Variants in CGREF1 observed in about 807,000 individuals in gnomAD.
CGREF1 encodes cell growth regulator with EF hand domain protein 1.
In CGREF1, 16 loss-of-function variants were observed where a neutral mutation model predicts 17.4. The ratio of observed to expected loss-of-function variants is 0.92; its 90% CI spans 0.62 to 1.40. The LOEUF (loss-of-function observed/expected upper bound fraction) is 1.40. Ranked by LOEUF, CGREF1 falls within the 40% of genes most tolerant of loss-of-function variation. CGREF1 has a pLI of 0.00. For synonymous variants in CGREF1, 142 were observed against 154.6 expected, an observed-to-expected ratio of 0.92 and a Z score of 0.61; for missense variants, 296 against 376.4, an observed-to-expected ratio of 0.79 and a Z score of 1.77.
At chr2:27,117,087 A>G (rs1671616109) in intron 1 of CGREF1, among the ~76,000 whole-genome samples, 1 of 150,982 alleles carries the variant, frequency 6.6e-6, no homozygotes, top group Non-Finnish European at 1.5e-5. Flanking sequence ...TAATTTTTGT[A>G]TTTTTAGTAG....
intron 1 of CGREF1, among the ~76,000 whole-genome samples, chr2:27,112,890 G>A (rs887668616): frequency 2.6e-5 from 4 of 152,220 alleles, no homozygotes; most frequent in Non-Finnish European, 4.4e-5. Flanking sequence ...CTAGTGTGTG[G>A]AGGCTTCCCG....
chr2:27,101,006 C>T lies in CGREF1; in HGVS notation c.*268G>A, dbSNP rs1670789796. ...ACACTGGGCAGGCGGCATCCCTGTC[C>T]TTTCGGTCCCCAACCCCGTTCCTCT... On this transcript the variant is annotated 3_prime_UTR_variant, in exon 6 of 6. Coordinates refer to ENST00000402394, the MANE Select transcript of CGREF1 (RefSeq NM_006569.6). 1.6e-6 allele frequency: 2 copies of T among 1,266,098 alleles called. No homozygotes were observed. The highest frequency in any genetic ancestry group is 3.3e-5 in the East Asian group (1 of 30,348). The allele number at this position is 1,266,098 out of a possible 1,614,324, so 78.4% of individuals were successfully genotyped here. A position where few individuals can be genotyped will look rare whatever the true frequency, so the allele number is the denominator to read the frequency against.
At chr2:27,116,943 C>T (rs548450997) in intron 1 of CGREF1, among the ~76,000 whole-genome samples, 7 of 139,976 alleles carry the variant, frequency 5.0e-5, no homozygotes, top group Non-Finnish European at 7.7e-5. Context: ...GACAGAGTCT[C>T]GCTCTGTCAC....
At chr2:27,104,593 A>C in intron 1 of CGREF1, 1 of 1,550,660 alleles carries the variant, frequency 6.4e-7, no homozygotes, top group East Asian at 2.4e-5. Flanking sequence ...TATAAAGCAC[A>C]TAAAGGCAGG....
chr2:27,117,705 ATTTT>A (rs35908937), intron 1 of CGREF1, among the ~76,000 whole-genome samples: 3 of 123,150 alleles, frequency 2.4e-5, no homozygotes, highest in Non-Finnish European at 3.3e-5. Context: ...TGGGATCTGA[ATTTT>A]TTTTTTTTTT....
chr2:27,102,326 TC>T, intron 4 of CGREF1, 33 bp downstream of exon 4: 1 of 1,612,786 alleles, frequency 6.2e-7, no homozygotes, highest in South Asian at 1.1e-5. Flanking sequence ...GCCCAGAGCC[TC>T]CCGTCCCTGG....
downstream of CGREF1, chr2:27,099,802 C>A: frequency 6.3e-7 from 1 of 1,593,486 alleles, no homozygotes; most frequent in Non-Finnish European, 8.5e-7. Flanking sequence ...GCGGCTGCAT[C>A]GCCTTCTCCC....
intron 1 of CGREF1, among the ~76,000 whole-genome samples, chr2:27,109,117 C>T (rs1671247297): frequency 6.6e-6 from 1 of 152,142 alleles, no homozygotes; most frequent in Admixed American, 6.5e-5. Flanking sequence ...TGCCTGTAAT[C>T]CCAGCACTTT....
Position 27,102,240 on chromosome 2 carries a change from G to A in CGREF1, c.218-19C>T. On this transcript the variant is annotated intron_variant, in intron 4 of 5. Coordinates refer to ENST00000402394, the MANE Select transcript of CGREF1 (RefSeq NM_006569.6). ...AGGAGAACTAAAGAGAAGAGAAGCT[G>A]GATTAGAAGAGGTGCCGGGGGAGGT... is the stretch of plus-strand genomic sequence containing the variant. 1 of 1,611,338 alleles carries A rather than the reference G, an allele frequency of 6.2e-7. No homozygotes were observed. Among genetic ancestry groups the A allele is most frequent in the Non-Finnish European group, 8.5e-7 (1 of 1,177,896 alleles).
rs1330037389 is a variant in CGREF1 at position 27,104,522 on chromosome 2, AG to A, written c.-11-146del. On this transcript the variant is annotated intron_variant, in intron 1 of 5. Coordinates refer to ENST00000402394, the MANE Select transcript of CGREF1 (RefSeq NM_006569.6). Reference sequence around the variant, plus strand: ...GGACTCCTGCTCAGGGAGGACTCACAGACAGACAGCAGGGATCCCATGGAAC... The same window carrying A: ...GGACTCCTGCTCAGGGAGGACTCACAACAGACAGCAGGGATCCCATGGAAC... The A allele has an allele frequency of 5.8e-6, 9 of 1,550,856 alleles. No individual in the cohort carries two copies. The South Asian group carries it at 1.1e-4, about 18-fold the overall frequency.
rs552111768 is a variant in CGREF1 at position 27,100,828 on chromosome 2, G to C, written c.*446C>G. On this transcript the variant is annotated 3_prime_UTR_variant, in exon 6 of 6. Coordinates refer to ENST00000402394, the MANE Select transcript of CGREF1 (RefSeq NM_006569.6). ...GGGATGGGGTCACCTGCCCTGAGCT[G>C]CAGGAGAGCATGGGGTGTCTGAACA... 1 of 1,108,870 alleles carries C rather than the reference G, an allele frequency of 9.0e-7. No individual in the cohort carries two copies. The highest frequency in any genetic ancestry group is 7.4e-5 in the East Asian group (1 of 13,482). 68.7% of individuals were successfully genotyped at this position (1,108,870 alleles called of 1,614,324 possible).
downstream of CGREF1, chr2:27,099,432 CTG>C (rs1480339385): frequency 1.2e-6 from 2 of 1,613,918 alleles, no homozygotes; most frequent in South Asian, 1.1e-5. Flanking sequence ...CTGTGCTTGT[CTG>C]TGCCTGGGCT....
rs1294899932 is a variant in CGREF1 at position 27,101,208 on chromosome 2, C to T, written c.*66G>A. 1.7e-5 allele frequency: 25 copies of T among 1,511,390 alleles called. No individual in the cohort carries two copies. The highest frequency in any genetic ancestry group is 6.8e-5 in the Admixed American group (3 of 44,382). 93.6% of individuals were successfully genotyped at this position (1,511,390 alleles called of 1,614,324 possible). A position where few individuals can be genotyped will look rare whatever the true frequency, so the allele number is the denominator to read the frequency against. On this transcript the variant is annotated 3_prime_UTR_variant, in exon 6 of 6. Transcript: ENST00000402394. Reference sequence around the variant, plus strand: ...ATGGTCCTTGTCCCAGCGTACATTTCCCCTGCCCACTTCAGGGCTTATGTT... The same window carrying T: ...ATGGTCCTTGTCCCAGCGTACATTTTCCCTGCCCACTTCAGGGCTTATGTT...
At chr2:27,111,552 C>T (rs1407148422) in intron 1 of CGREF1, among the ~76,000 whole-genome samples, 1 of 152,214 alleles carries the variant, frequency 6.6e-6, no homozygotes, top group Non-Finnish European at 1.5e-5. Context: ...GACAGGGCGC[C>T]GTGGAGCAGG....
In CGREF1 at chr2:27,101,002, T is replaced by C; in HGVS notation, c.*272A>G. The C allele has an allele frequency of 7.9e-7, 1 of 1,260,526 alleles. No individual in the cohort carries two copies. The highest frequency in any genetic ancestry group is 1.0e-6 in the Non-Finnish European group (1 of 1,004,108). The allele number at this position is 1,260,526 out of a possible 1,614,324, so 78.1% of individuals were successfully genotyped here. A position where few individuals can be genotyped will look rare whatever the true frequency, so the allele number is the denominator to read the frequency against. ...AGAAACACTGGGCAGGCGGCATCCCTGTCCTTTCGGTCCCCAACCCCGTTC... is the reference window on the plus strand; with the variant it reads ...AGAAACACTGGGCAGGCGGCATCCCCGTCCTTTCGGTCCCCAACCCCGTTC... On this transcript the variant is annotated 3_prime_UTR_variant, in exon 6 of 6. Coordinates refer to ENST00000402394, the MANE Select transcript of CGREF1 (RefSeq NM_006569.6).
At chr2:27,108,127 C>T (rs1003334953) in intron 1 of CGREF1, among the ~76,000 whole-genome samples, 2 of 151,796 alleles carry the variant, frequency 1.3e-5, no homozygotes, top group African/African-American at 2.4e-5. Flanking sequence ...TGGTGGCACA[C>T]GCCTGTAATC....
At chr2:27,111,948 C>A (rs1220558669) in intron 1 of CGREF1, among the ~76,000 whole-genome samples, 1 of 152,178 alleles carries the variant, frequency 6.6e-6, no homozygotes, top group Non-Finnish European at 1.5e-5. Context: ...GCTCCTCAAG[C>A]GCGGCCAGAG....
intron 1 of CGREF1, among the ~76,000 whole-genome samples, chr2:27,109,430 A>T (rs1273113689): frequency 1.3e-5 from 2 of 152,144 alleles, no homozygotes; most frequent in Non-Finnish European, 2.9e-5. Context: ...GAAATCACAA[A>T]GTATGTGGCT....
Position 27,119,112 on chromosome 2 carries a change from T to G in CGREF1, c.-278A>C, listed in dbSNP as rs1327461580. ...GCCGGAGGGGCTGCGCGCGCCCGTGTGAGTGTGCGCGTGTGTGCGTGCGTG... is the reference window on the plus strand; with the variant it reads ...GCCGGAGGGGCTGCGCGCGCCCGTGGGAGTGTGCGCGTGTGTGCGTGCGTG... On this transcript the variant is annotated 5_prime_UTR_variant, in exon 1 of 6. Coordinates refer to ENST00000402394, the MANE Select transcript of CGREF1 (RefSeq NM_006569.6). The surrounding 1 kb of genome is among the most constrained non-coding windows in gnomAD (Gnocchi z 5.6). 2.0e-5 allele frequency: 3 copies of G among 152,220 alleles called. No individual in the cohort carries two copies. The highest frequency in any genetic ancestry group is 4.4e-5 in the Non-Finnish European group (3 of 67,998). The allele number at this position is 152,220 out of a possible 1,614,324, so 9.4% of individuals were successfully genotyped here. A position where few individuals can be genotyped will look rare whatever the true frequency, so the allele number is the denominator to read the frequency against.
Sources: gnomAD v4.1 joint callset for allele counts (sites outside exome capture counted in the v4.1 genomes callset) on GRCh38, gnomAD v4.1.1 for gene constraint, Gnocchi (gnomAD v3.1) non-coding constraint, MANE v1.5 for transcripts, NCBI Gene and HGNC (gene_info 2026-07-23, HGNC 2026-07-21) for gene names.